The following SGTA variants were observed in gnomAD, a reference collection of about 807,000 sequenced individuals.
SGTA encodes small glutamine rich tetratricopeptide repeat co-chaperone alpha, also known as small glutamine-rich tetratricopeptide repeat-containing protein alpha.
A neutral mutation model predicts 44.3 loss-of-function variants in SGTA; 22 were observed. The ratio of observed to expected loss-of-function variants is 0.50; its 90% CI spans 0.36 to 0.71. The LOEUF is 0.71. Among genes scored for constraint, SGTA ranks in the 30% least tolerant of loss-of-function variants. SGTA has a pLI of 0.00. For synonymous variants in SGTA, 174 were observed against 177.6 expected, an observed-to-expected ratio of 0.98 and a Z score of 0.16; for missense variants, 341 against 435.9, an observed-to-expected ratio of 0.78 and a Z score of 1.94.
chr19:2,765,255 T>C lies in SGTA; in HGVS notation c.323A>G (p.Glu108Gly), dbSNP rs377623701. The C allele has an allele frequency of 6.2e-7, 1 of 1,613,304 alleles. No homozygotes were observed. Residue 108 changes from glutamate to glycine, a missense_variant, in exon 5 of 12, where the codon GAA becomes GGA. Coordinates refer to ENST00000221566, the MANE Select transcript of SGTA (RefSeq NM_003021.4). The surrounding 1 kb of genome is among the most constrained non-coding windows in gnomAD (Gnocchi z 5.5). ...GNEQMKVENFEAAVHFYGKAI... is the reference protein window; with the variant it reads ...GNEQMKVENFGAAVHFYGKAI... ...TTTTCCGTAGAAATGCACGGCAGCT[T>C]CAAAGTTTTCCACTTTCATCTGCTC...
chr19:2,756,495 T>TAAA (rs1914822250), intron 11 of SGTA, among the ~76,000 whole-genome samples: 2 of 152,134 alleles, frequency 1.3e-5, no homozygotes, highest in African/African-American at 4.8e-5. Context: ...TGCTGCTTTT[T>TAAA]AACATTTTTG....
At chr19:2,771,346 C>T (rs925529561) in intron 1 of SGTA, among the ~76,000 whole-genome samples, 1 of 152,150 alleles carries the variant, frequency 6.6e-6, no homozygotes. Context: ...ATCACTTGAA[C>T]CAGGGAGTTG....
chr19:2,759,352 C>A, intron 8 of SGTA, 58 bp from the exon 9 acceptor site: 1 of 1,513,810 alleles, frequency 6.6e-7, no homozygotes, highest in Non-Finnish European at 9.2e-7. Context: ...CATTCTCTTT[C>A]ATCAGACACT....
Position 2,762,801 on chromosome 19 carries a change from C to T in SGTA, c.498-157G>A, listed in dbSNP as rs2302492. On this transcript the variant is annotated intron_variant, in intron 6 of 11. Transcript: ENST00000221566. Reference sequence around the variant, plus strand: ...GCTCAGTGGAGACAAACCTGGCTTTCGAGGGGCCCAGGGGCAGGACTGAGG... The same window carrying T: ...GCTCAGTGGAGACAAACCTGGCTTTTGAGGGGCCCAGGGGCAGGACTGAGG... 1.6e-4 allele frequency among the ~76,000 whole-genome samples: 24 copies of T among 152,270 alleles called. 1 individual carries two copies. The East Asian group carries it at 3.1e-3, about 20-fold the overall frequency.
intron 1 of SGTA, among the ~76,000 whole-genome samples, chr19:2,782,942 CA>C (rs1485375416): frequency 6.6e-6 from 1 of 152,216 alleles, no homozygotes; most frequent in Admixed American, 6.5e-5. Flanking sequence ...AGCGAACACC[CA>C]GCGAGCGCTC....
chr19:2,776,463 G>A (rs1398925528), intron 1 of SGTA, among the ~76,000 whole-genome samples: 2 of 152,326 alleles, frequency 1.3e-5, no homozygotes, highest in South Asian at 2.1e-4. Flanking sequence ...CAAAACCTGT[G>A]TGACTCCCCT....
chr19:2,757,565 C>T (rs1012686708), intron 10 of SGTA, 108 bp from the exon 11 acceptor site: 3 of 1,494,884 alleles, frequency 2.0e-6, no homozygotes, highest in African/African-American at 1.4e-5. Context: ...CAGGCCTGAC[C>T]CCTCGCTGGA....
intron 1 of SGTA, 41 bp from the exon 2 acceptor site, chr19:2,769,132 T>C: frequency 1.5e-6 from 2 of 1,310,720 alleles, no homozygotes; most frequent in African/African-American, 1.4e-5. Context: ...CCCCTCACAC[T>C]CCCCACTCCA....
Position 2,767,801 on chromosome 19 carries a change from AC to A in SGTA, c.101-116del. On this transcript the variant is annotated intron_variant, in intron 2 of 11. Coordinates refer to ENST00000221566, the MANE Select transcript of SGTA (RefSeq NM_003021.4). This position sits in a 1 kb window ranked among gnomAD's most constrained non-coding sequence, Gnocchi z 7.3. ...TCCCCAGGTGTGTTCATTCCCAAGG[AC>A]CCCAGAACGCAGGGGCCGCCGCCTG... 3 of 772,562 alleles carry A rather than the reference AC, an allele frequency of 3.9e-6. No individual in the cohort carries two copies. Among genetic ancestry groups the A allele is most frequent in the South Asian group, 1.5e-5 (1 of 66,764 alleles). 47.9% of individuals were successfully genotyped at this position (772,562 alleles called of 1,614,324 possible). A position where few individuals can be genotyped will look rare whatever the true frequency, so the allele number is the denominator to read the frequency against.
chr19:2,755,208 G>A lies in SGTA; in HGVS notation c.*732C>T. On this transcript the variant is annotated 3_prime_UTR_variant, in exon 12 of 12. Coordinates refer to ENST00000221566, the MANE Select transcript of SGTA (RefSeq NM_003021.4). The surrounding 1 kb of genome is among the most constrained non-coding windows in gnomAD (Gnocchi z 5.2). The stretch of plus-strand genomic sequence containing the variant: ...TAAGGCGGCCGGGACAGAAGGTCAT[G>A]ATGTCGCCCCTGGCTCTCAGTCGCG... 6.0e-6 allele frequency: 1 copy of A among 167,568 alleles called. No individual in the cohort carries two copies. Among genetic ancestry groups the A allele is most frequent in the Non-Finnish European group, 1.2e-5 (1 of 80,554 alleles). 10.4% of individuals were successfully genotyped at this position (167,568 alleles called of 1,614,324 possible).
chr19:2,773,978 G>A (rs1259702070), intron 1 of SGTA, among the ~76,000 whole-genome samples: 1 of 144,276 alleles, frequency 6.9e-6, no homozygotes, highest in Non-Finnish European at 1.5e-5. Flanking sequence ...CACAGGGCAG[G>A]GACACCGAGG....
intron 11 of SGTA, among the ~76,000 whole-genome samples, chr19:2,756,500 T>G (rs1309804258): frequency 6.6e-6 from 1 of 151,928 alleles, no homozygotes. Context: ...CTTTTTAACA[T>G]TTTTGTATTT....
intron 1 of SGTA, among the ~76,000 whole-genome samples, chr19:2,780,128 T>G (rs899632247): frequency 6.6e-6 from 1 of 152,138 alleles, no homozygotes; most frequent in African/African-American, 2.4e-5. Context: ...CTCTTCCTTA[T>G]TTCCCTGCCC....
chr19:2,781,481 G>T (rs184269660), intron 1 of SGTA, among the ~76,000 whole-genome samples: 5 of 152,220 alleles, frequency 3.3e-5, no homozygotes, highest in Admixed American at 6.5e-5. Context: ...AAGGAGTGTG[G>T]CTGTGTTCCT....
intron 1 of SGTA, chr19:2,777,496 G>C (rs1300366767): frequency 6.6e-6 from 1 of 152,100 alleles, no homozygotes; most frequent in Non-Finnish European, 1.5e-5. Flanking sequence ...GTGCTGCAGT[G>C]AGCTGTGATC....
intron 7 of SGTA, 150 bp downstream of exon 7, chr19:2,762,355 CA>C (rs1428382748): frequency 2.7e-6 from 2 of 737,634 alleles, no homozygotes; most frequent in Admixed American, 2.5e-5. Context: ...CACTCACTTC[CA>C]CGCCTGTGCA....
At chr19:2,771,927 C>T (rs528706323) in intron 1 of SGTA, among the ~76,000 whole-genome samples, 21 of 152,362 alleles carry the variant, frequency 1.4e-4, no homozygotes, top group African/African-American at 4.3e-4. Context: ...GGCTGGGCAG[C>T]CGCCTTCCCT....
chr19:2,782,075 C>G (rs1198770426), intron 1 of SGTA, among the ~76,000 whole-genome samples: 1 of 152,152 alleles, frequency 6.6e-6, no homozygotes, highest in Non-Finnish European at 1.5e-5. Context: ...CTCCTGACCT[C>G]AGGTCATCAG....
Position 2,765,120 on chromosome 19 carries a change from C to T in SGTA, c.392+66G>A, listed in dbSNP as rs1915101467. The T allele has an allele frequency of 8.8e-7, 1 of 1,134,082 alleles. No homozygotes were observed. The highest frequency in any genetic ancestry group is 1.2e-5 in the South Asian group (1 of 80,924). 70.3% of individuals were successfully genotyped at this position (1,134,082 alleles called of 1,614,324 possible). ...AGGCCTCTCCCATCTCAGGTCCCTGCTAAGCATCCCGGAGGACGCCCCCGC... is the reference window on the plus strand; with the variant it reads ...AGGCCTCTCCCATCTCAGGTCCCTGTTAAGCATCCCGGAGGACGCCCCCGC... On this transcript the variant is annotated intron_variant, in intron 5 of 11. Transcript: ENST00000221566. This position sits in a 1 kb window ranked among gnomAD's most constrained non-coding sequence, Gnocchi z 5.5.
Sources: gnomAD v4.1 joint callset for allele counts (sites outside exome capture counted in the v4.1 genomes callset) on GRCh38, gnomAD v4.1.1 for gene constraint, Gnocchi (gnomAD v3.1) non-coding constraint, MANE v1.5 for transcripts, NCBI Gene and HGNC (gene_info 2026-07-23, HGNC 2026-07-21) for gene names.